AMMECR1L: variants seen among roughly 807,000 people sequenced by gnomAD.
AMMECR1L encodes the protein AMMECR1-like protein.
AMMECR1L carries 4 observed loss-of-function variants against 36.8 expected under a neutral mutation model. The observed-to-expected ratio is 0.11, with a 90% CI of 0.05 to 0.25. The LOEUF (loss-of-function observed/expected upper bound fraction) is 0.25, where lower values mean the gene tolerates loss of function less well. Ranked by LOEUF, AMMECR1L falls within the 10% of genes least tolerant of loss-of-function variation. The pLI, the probability that AMMECR1L is intolerant of heterozygous loss-of-function variation, is 1.00. For missense variants in AMMECR1L, 232 were observed against 392.1 expected (o/e 0.59, Z 3.45); for synonymous variants, 147 against 148.0 (o/e 0.99, Z 0.05).
Position 127,865,059 on chromosome 2 carries a change from C to A in AMMECR1L, c.*35G>T. On this transcript the variant is annotated 3_prime_UTR_variant, in exon 8 of 8. Coordinates refer to ENST00000272647, the MANE Select transcript of AMMECR1L (RefSeq NM_001199140.2). This position sits in a 1 kb window ranked among gnomAD's most constrained non-coding sequence, Gnocchi z 5.4. ...CCAATGATGTCATAGCCATTGGTGG[C>A]CACGGGGGGGTGGGACTGGTCATGC... The A allele has an allele frequency of 6.6e-7, 1 of 1,514,660 alleles. No homozygotes were observed. The highest frequency in any genetic ancestry group is 2.3e-5 in the East Asian group (1 of 43,798). The allele number at this position is 1,514,660 out of a possible 1,614,324, so 93.8% of individuals were successfully genotyped here. A position where few individuals can be genotyped will look rare whatever the true frequency, so the allele number is the denominator to read the frequency against.
Position 127,874,112 on chromosome 2 carries a change from G to C in AMMECR1L, c.123C>G (p.Val41=). Reference sequence around the variant, plus strand: ...GAAGAGGTCCTGAACTAGAGCCGGGGACAGTTGTGGACTGATTCCCGTGAC... The same window carrying C: ...GAAGAGGTCCTGAACTAGAGCCGGGCACAGTTGTGGACTGATTCCCGTGAC... ...THSHGNQSTT[V]PGSSSGPLQN... is the part of the protein sequence containing the mutation. The change falls in exon 3 of 8, where the codon GTC becomes GTG. Residue 41 remains valine, a synonymous_variant. Transcript: ENST00000272647. This position sits in a 1 kb window ranked among gnomAD's most constrained non-coding sequence, Gnocchi z 5.2. 9 of 1,614,190 alleles carry C rather than the reference G, an allele frequency of 5.6e-6. No homozygotes were observed. The highest frequency in any genetic ancestry group is 7.6e-6 in the Non-Finnish European group (9 of 1,180,034).
chr2:127,883,107 T>TC (rs1236913916), intron 2 of AMMECR1L, among the ~76,000 whole-genome samples: 3 of 151,162 alleles, frequency 2.0e-5, no homozygotes, highest in African/African-American at 7.3e-5. Flanking sequence ...TCTTTTCTTT[T>TC]TTTTTTTTTA....
rs374937152 is a variant in AMMECR1L at position 127,871,344 on chromosome 2, C to T, written c.423G>A (p.Thr141=). ...GCCGCTTGTCCCGCCCTGTCTTCCA[C>T]GTCACAAAGAGCGGACTAAAAAAAG... The part of the protein sequence containing the change: ...FTNDPYPLFV[T]WKTGRDKRLR... Residue 141 remains threonine, a synonymous_variant, in exon 4 of 8, where the codon ACG becomes ACA. Transcript: ENST00000272647. The surrounding 1 kb of genome is among the most constrained non-coding windows in gnomAD (Gnocchi z 4.3). The T allele has an allele frequency of 1.8e-5, 29 of 1,613,798 alleles. No individual in the cohort carries two copies. The highest frequency in any genetic ancestry group is 3.3e-5 in the Admixed American group (2 of 59,992).
chr2:127,873,129 A>G lies in AMMECR1L; in HGVS notation c.407+699T>C. The G allele has an allele frequency of 1.0e-6, 1 of 985,436 alleles. No individual in the cohort carries two copies. Among genetic ancestry groups the G allele is most frequent in the Non-Finnish European group, 1.2e-6 (1 of 829,940 alleles). The allele number at this position is 985,436 out of a possible 1,614,324, so 61.0% of individuals were successfully genotyped here. A position where few individuals can be genotyped will look rare whatever the true frequency, so the allele number is the denominator to read the frequency against. ...TGAACACTCCAAAAGCATACCCCCAAAACAAAAATAAAAAAACAGCAATGC... is the reference window on the plus strand; with the variant it reads ...TGAACACTCCAAAAGCATACCCCCAGAACAAAAATAAAAAAACAGCAATGC... On this transcript the variant is annotated intron_variant, in intron 3 of 7. Coordinates refer to ENST00000272647, the MANE Select transcript of AMMECR1L (RefSeq NM_001199140.2). The surrounding 1 kb of genome is among the most constrained non-coding windows in gnomAD (Gnocchi z 5.2).
At chr2:127,870,753 T>C (rs1384587569) in intron 5 of AMMECR1L, 61 bp downstream of exon 5, 2 of 1,311,148 alleles carry the variant, frequency 1.5e-6, no homozygotes, top group Non-Finnish European at 2.1e-6. Context: ...TACATTGCCA[T>C]GTACTAACCC....
chr2:127,882,123 A>C (rs1691524953), intron 2 of AMMECR1L, among the ~76,000 whole-genome samples: 1 of 152,260 alleles, frequency 6.6e-6, no homozygotes, highest in Non-Finnish European at 1.5e-5. Context: ...TCACACAACC[A>C]CCAGATTAAA....
intron 3 of AMMECR1L, among the ~76,000 whole-genome samples, chr2:127,872,602 C>T (rs1284653663): frequency 6.6e-6 from 1 of 152,188 alleles, no homozygotes; most frequent in Non-Finnish European, 1.5e-5. Flanking sequence ...GCTGTCCCAT[C>T]TAGCCATCTT....
At position 127,864,413 on chromosome 2, in the gene AMMECR1L, A is replaced by G. The variant is rs1690593457; in HGVS notation, c.*681T>C. ...CTCAATGCAGGAAGAGTGCCAGAAA[A>G]TCCAACTGAGAGTGGGATGAGGATG... On this transcript the variant is annotated 3_prime_UTR_variant, in exon 8 of 8. Coordinates refer to ENST00000272647, the MANE Select transcript of AMMECR1L (RefSeq NM_001199140.2). The G allele has an allele frequency of 6.6e-6, 1 of 152,604 alleles. No homozygotes were observed. Among genetic ancestry groups the G allele is most frequent in the South Asian group, 2.1e-4 (1 of 4,828 alleles). 9.5% of individuals were successfully genotyped at this position (152,604 alleles called of 1,614,324 possible). A position where few individuals can be genotyped will look rare whatever the true frequency, so the allele number is the denominator to read the frequency against.
rs1259623215 is a variant in AMMECR1L, at chr2:127,871,983, G to C, written c.408-624C>G. ...GTGGGCGGATCACTTGAGGTAAGGA[G>C]TTCTAGACCAGCCTGGTCATCATGG... On this transcript the variant is annotated intron_variant, in intron 3 of 7. Coordinates refer to ENST00000272647, the MANE Select transcript of AMMECR1L (RefSeq NM_001199140.2). The surrounding 1 kb of genome is among the most constrained non-coding windows in gnomAD (Gnocchi z 4.3). 2.0e-5 allele frequency among the ~76,000 whole-genome samples: 3 copies of C among 152,144 alleles called. No homozygotes were observed. Among genetic ancestry groups the C allele is most frequent in the African/African-American group, 7.2e-5 (3 of 41,444 alleles).
At chr2:127,870,020 T>TA (rs1690886545) in intron 5 of AMMECR1L, among the ~76,000 whole-genome samples, 5 of 151,984 alleles carry the variant, frequency 3.3e-5, no homozygotes, top group Non-Finnish European at 5.9e-5. Flanking sequence ...CTGTCTCTAC[T>TA]AAAAAAATAC....
chr2:127,877,078 G>A (rs1691283607), intron 2 of AMMECR1L, among the ~76,000 whole-genome samples: 1 of 149,074 alleles, frequency 6.7e-6, no homozygotes, highest in African/African-American at 2.5e-5. Context: ...GCTTAAAACA[G>A]TGACTAGTAT....
Position 127,873,398 on chromosome 2 carries a change from T to G in AMMECR1L, c.407+430A>C. The G allele has an allele frequency of 2.0e-6, 2 of 985,444 alleles. No homozygotes were observed. Among genetic ancestry groups the G allele is most frequent in the Non-Finnish European group, 2.4e-6 (2 of 829,924 alleles). The allele number at this position is 985,444 out of a possible 1,614,324, so 61.0% of individuals were successfully genotyped here. ...CATGAACAAAGTGAGGGGACCCCTG[T>G]TAACCAAATCGCAGATCCCAGTGAA... On this transcript the variant is annotated intron_variant, in intron 3 of 7. Coordinates refer to ENST00000272647, the MANE Select transcript of AMMECR1L (RefSeq NM_001199140.2). The surrounding 1 kb of genome is among the most constrained non-coding windows in gnomAD (Gnocchi z 5.2).
At chr2:127,885,649 C>T in intron 1 of AMMECR1L, 161 bp downstream of exon 1, 1 of 984,348 alleles carries the variant, frequency 1.0e-6, no homozygotes, top group East Asian at 1.1e-4. Context: ...GGACTCCTCC[C>T]CCCCGCTGCC....
chr2:127,868,584 CAAGA>C (rs921450276), intron 6 of AMMECR1L, among the ~76,000 whole-genome samples: 9 of 152,120 alleles, frequency 5.9e-5, no homozygotes, highest in Non-Finnish European at 8.8e-5. Context: ...AGACTAATTC[CAAGA>C]AAGAAGGAAA....
intron 2 of AMMECR1L, among the ~76,000 whole-genome samples, chr2:127,876,739 C>T (rs1189154920): frequency 6.6e-6 from 1 of 152,068 alleles, no homozygotes; most frequent in East Asian, 1.9e-4. Flanking sequence ...GTAAAGAGGC[C>T]AGGCGCCCTG....
Position 127,885,941 on chromosome 2 carries a change from G to A in AMMECR1L, c.-280C>T, listed in dbSNP as rs1691762407. ...GCTGGCCTGCGGGCGGGCCGGACGCGCTGCGCGGACGGGGCGGGGCGAAGG... is the reference window on the plus strand; with the variant it reads ...GCTGGCCTGCGGGCGGGCCGGACGCACTGCGCGGACGGGGCGGGGCGAAGG... On this transcript the variant is annotated 5_prime_UTR_variant, in exon 1 of 8. Coordinates refer to ENST00000272647, the MANE Select transcript of AMMECR1L (RefSeq NM_001199140.2). 2.6e-5 allele frequency: 26 copies of A among 990,622 alleles called. No individual in the cohort carries two copies. The highest frequency in any genetic ancestry group is 3.1e-5 in the Non-Finnish European group (26 of 833,880). 61.4% of individuals were successfully genotyped at this position (990,622 alleles called of 1,614,324 possible).
chr2:127,868,189 A>G (rs1282902559), intron 6 of AMMECR1L, among the ~76,000 whole-genome samples: 1 of 152,132 alleles, frequency 6.6e-6, no homozygotes, highest in Non-Finnish European at 1.5e-5. Context: ...GATAAAACCA[A>G]CTTCATCAAA....
At chr2:127,872,192 G>GAA (rs369158538) in intron 3 of AMMECR1L, among the ~76,000 whole-genome samples, 85 of 84,788 alleles carry the variant, frequency 1.0e-3, no homozygotes, top group African/African-American at 3.0e-3. Flanking sequence ...GTCTCAAAAA[G>GAA]AAAAAAAAAA....
chr2:127,885,302 G>A lies in AMMECR1L; in HGVS notation c.-149+508C>T, dbSNP rs979326286. The A allele has an allele frequency of 4.1e-6, 4 of 984,726 alleles. No individual in the cohort carries two copies. In the South Asian group the frequency reaches 1.4e-4, roughly 35 times the overall value. The allele number at this position is 984,726 out of a possible 1,614,324, so 61.0% of individuals were successfully genotyped here. On this transcript the variant is annotated intron_variant, in intron 1 of 7. Coordinates refer to ENST00000272647, the MANE Select transcript of AMMECR1L (RefSeq NM_001199140.2). ...ACAGGGTGAAAGGTGAGAAACGAGG[G>A]TATGAGGAAAGAGGGTCCGGGGCGC... is the stretch of plus-strand genomic sequence containing the variant.
Sources: allele counts gnomAD v4.1 joint callset (sites outside exome capture counted in the v4.1 genomes callset), GRCh38; gene constraint gnomAD v4.1.1; non-coding constraint Gnocchi (gnomAD v3.1); transcripts MANE v1.5; gene names NCBI Gene and HGNC (gene_info 2026-07-23, HGNC 2026-07-21).